Variants in EED observed in about 807,000 individuals in gnomAD.
EED encodes the protein polycomb protein EED.
A neutral mutation model predicts 61.0 loss-of-function variants in EED; 9 were observed. That is an observed-to-expected ratio of 0.15 (90% CI 0.09 to 0.26). The LOEUF is 0.26. Among genes scored for constraint, EED ranks in the 10% least tolerant of loss-of-function variants. EED has a pLI of 1.00. For missense variants in EED, 315 were observed against 542.3 expected, an observed-to-expected ratio of 0.58 and a Z score of 4.16; for synonymous variants, 187 against 174.4, an observed-to-expected ratio of 1.07 and a Z score of -0.57.
intron 6 of EED, among the ~76,000 whole-genome samples, chr11:86,261,006 C>T (rs905365271): frequency 1.3e-5 from 2 of 151,680 alleles, no homozygotes; most frequent in African/African-American, 4.9e-5. Context: ...TCTCATCTCC[C>T]AACACTGCTG....
intron 1 of EED, among the ~76,000 whole-genome samples, chr11:86,246,187 C>G (rs947682139): frequency 6.6e-6 from 1 of 152,122 alleles, no homozygotes; most frequent in Non-Finnish European, 1.5e-5. Context: ...TTAATTGACT[C>G]GCCAGTAAGA....
At chr11:86,257,455 A>T (rs1945708766) in intron 5 of EED, 60 bp from the exon 6 acceptor site, 11 of 1,360,710 alleles carry the variant, frequency 8.1e-6, no homozygotes, top group Non-Finnish European at 1.1e-5. Flanking sequence ...CTAAAGATTT[A>T]TGAAAAAAAA....
At chr11:86,283,652 T>C (rs991400517), downstream of EED, among the ~76,000 whole-genome samples, 1 of 152,164 alleles carries the variant, frequency 6.6e-6, no homozygotes, top group Non-Finnish European at 1.5e-5. Context: ...CTTTTACAAA[T>C]GAAAAATACA....
At chr11:86,267,501 G>GT (rs1162912816) in intron 8 of EED, among the ~76,000 whole-genome samples, 1 of 152,154 alleles carries the variant, frequency 6.6e-6, no homozygotes, top group Non-Finnish European at 1.5e-5. Flanking sequence ...ATAGCAGCTT[G>GT]TTTTGTTTCT....
intron 8 of EED, 88 bp from the exon 9 acceptor site, chr11:86,268,368 C>T: frequency 1.1e-6 from 1 of 886,068 alleles, no homozygotes; most frequent in Non-Finnish European, 1.7e-6. Context: ...TTTTGTTTTT[C>T]CAAGTTTTAT....
chr11:86,278,847 A>G, downstream of EED: 1 of 220,418 alleles, frequency 4.5e-6, no homozygotes, highest in East Asian at 7.2e-5. Flanking sequence ...AACCAGAGAA[A>G]GTTTTGTAAT....
intron 1 of EED, among the ~76,000 whole-genome samples, chr11:86,247,891 A>G (rs1945430619): frequency 1.3e-5 from 2 of 152,190 alleles, no homozygotes; most frequent in African/African-American, 4.8e-5. Context: ...ACAGGCACAT[A>G]TTTTACATTT....
chr11:86,255,161 G>T, intron 3 of EED, 61 bp from the exon 4 acceptor site: 1 of 1,317,144 alleles, frequency 7.6e-7, no homozygotes, highest in Admixed American at 1.9e-5. Context: ...ATGTTTAAAA[G>T]TTGGAGAGAG....
the EED span, among the ~76,000 whole-genome samples, chr11:86,285,815 C>T: frequency 1.3e-5 from 2 of 152,006 alleles, no homozygotes. Context: ...CCAGGATGGT[C>T]TCGAACTCCT....
chr11:86,270,195 G>C, intron 9 of EED: 1 of 683,896 alleles, frequency 1.5e-6, no homozygotes, highest in South Asian at 1.5e-5. Context: ...GTTCTGATAG[G>C]TGTGTAGTGA....
chr11:86,258,255 T>C (rs1003477062), intron 6 of EED, among the ~76,000 whole-genome samples: 1 of 152,224 alleles, frequency 6.6e-6, no homozygotes, highest in Non-Finnish European at 1.5e-5. Flanking sequence ...TAATAATAAA[T>C]ACTACATATG....
chr11:86,281,345 CT>C (rs929841622), downstream of EED, among the ~76,000 whole-genome samples: 6 of 151,988 alleles, frequency 3.9e-5, no homozygotes, highest in Non-Finnish European at 5.9e-5. Context: ...GATTTGAGTC[CT>C]TTTTTTCTTA....
intron 6 of EED, among the ~76,000 whole-genome samples, chr11:86,260,934 T>C (rs1316173825): frequency 1.3e-5 from 2 of 151,848 alleles, no homozygotes; most frequent in Non-Finnish European, 1.5e-5. Context: ...TTTTTTAATA[T>C]ATAATTGGAA....
At chr11:86,257,465 A>G in intron 5 of EED, 50 bp from the exon 6 acceptor site, 2 of 1,463,946 alleles carry the variant, frequency 1.4e-6, no homozygotes, top group South Asian at 2.6e-5. Flanking sequence ...ATGAAAAAAA[A>G]TTTACTGATT....
intron 9 of EED, among the ~76,000 whole-genome samples, chr11:86,272,742 TA>T: frequency 6.6e-6 from 1 of 152,338 alleles, no homozygotes; most frequent in East Asian, 1.9e-4. Context: ...TTCAAACTTT[TA>T]ATCTATGTAT....
In EED at chr11:86,266,309, T is replaced by TCAGTATTATAAA. The variant is rs1593754956; in HGVS notation, c.860+93_860+94insCAGTATTATAAA. 25 of 1,173,562 alleles carry TCAGTATTATAAA rather than the reference T, an allele frequency of 2.1e-5. 1 individual carries two copies. The East Asian group carries it at 6.5e-4, about 30-fold the overall frequency. The allele number at this position is 1,173,562 out of a possible 1,614,324, so 72.7% of individuals were successfully genotyped here. Reference sequence around the variant, plus strand: ...AAAATTGCTATATAAGCCCCAACAATGAGTTTAGAAGACCTTCTTTTAACT... The same window carrying TCAGTATTATAAA: ...AAAATTGCTATATAAGCCCCAACAATCAGTATTATAAAGAGTTTAGAAGACCTTCTTTTAACT... On this transcript the variant is annotated intron_variant, in intron 8 of 11. Transcript: ENST00000263360.
intron 1 of EED, among the ~76,000 whole-genome samples, chr11:86,249,072 T>G (rs1945461687): frequency 6.6e-6 from 1 of 152,204 alleles, no homozygotes; most frequent in Non-Finnish European, 1.5e-5. Flanking sequence ...ATGTGCTATA[T>G]AGATAATGCA....
At chr11:86,251,408 A>G (rs966179356) in intron 2 of EED, among the ~76,000 whole-genome samples, 1 of 152,320 alleles carries the variant, frequency 6.6e-6, no homozygotes, top group East Asian at 1.9e-4. Context: ...CAGTATTTCA[A>G]AATCCTAAAG....
intron 9 of EED, chr11:86,276,182 C>T (rs916397826): frequency 1.3e-5 from 2 of 152,182 alleles, no homozygotes; most frequent in East Asian, 1.9e-4. Context: ...AATGTCCCTT[C>T]GTGGGCAAAC....
Sources: gnomAD v4.1 joint callset for allele counts (sites outside exome capture counted in the v4.1 genomes callset) on GRCh38, gnomAD v4.1.1 for gene constraint, MANE v1.5 for transcripts, NCBI Gene and HGNC (gene_info 2026-07-23, HGNC 2026-07-21) for gene names.